Variants in EEIG2 observed in about 807,000 individuals in gnomAD.
The protein encoded by EEIG2 is EEIG family member 2, also known as family with sequence similarity 102 member B.
the EEIG2 span, among the ~76,000 whole-genome samples, chr1:108,585,397 C>T: frequency 1.3e-5 from 2 of 152,116 alleles, no homozygotes; most frequent in Non-Finnish European, 2.9e-5. Context: ...CTAACCTACC[C>T]TGCTCCCTCT....
At chr1:108,579,520 A>G in the EEIG2 span, among the ~76,000 whole-genome samples, 1 of 147,466 alleles carries the variant, frequency 6.8e-6, no homozygotes, top group African/African-American at 2.5e-5. Context: ...TGTCAGCATT[A>G]GACAGATCAA....
the EEIG2 span, among the ~76,000 whole-genome samples, chr1:108,590,828 A>G: frequency 2.0e-5 from 3 of 152,244 alleles, no homozygotes; most frequent in Non-Finnish European, 4.4e-5. Flanking sequence ...GGGTATACCT[A>G]TGCAAGTTAT....
At chr1:108,601,439 T>TAAATACTTAA in the EEIG2 span, among the ~76,000 whole-genome samples, 4 of 151,902 alleles carry the variant, frequency 2.6e-5, no homozygotes, top group African/African-American at 9.6e-5. Context: ...CAGAATACCA[T>TAAATACTTAA]TGCCATGGTA....
At chr1:108,601,945 G>C in the EEIG2 span, among the ~76,000 whole-genome samples, 4 of 152,162 alleles carry the variant, frequency 2.6e-5, no homozygotes, top group Admixed American at 2.6e-4. Flanking sequence ...TGCCCCCAGG[G>C]ACTTTACTTT....
chr1:108,586,037 G>A, the EEIG2 span, among the ~76,000 whole-genome samples: 3 of 151,942 alleles, frequency 2.0e-5, no homozygotes, highest in South Asian at 4.1e-4. Flanking sequence ...AAATACCAAC[G>A]GAGGAATACT....
chr1:108,607,348 G>C, the EEIG2 span, among the ~76,000 whole-genome samples: 1 of 152,156 alleles, frequency 6.6e-6, no homozygotes, highest in Non-Finnish European at 1.5e-5. Context: ...ATGGCCCTCG[G>C]AGGGTTTTCC....
chr1:108,589,783 CTTTTTTTTT>C, the EEIG2 span, among the ~76,000 whole-genome samples: 1 of 85,160 alleles, frequency 1.2e-5, no homozygotes, highest in Non-Finnish European at 2.1e-5. Flanking sequence ...GTCTTTTGTC[CTTTTTTTTT>C]TTTTTTTTTT....
At chr1:108,585,655 A>G in the EEIG2 span, among the ~76,000 whole-genome samples, 1 of 152,234 alleles carries the variant, frequency 6.6e-6, no homozygotes, top group East Asian at 1.9e-4. Flanking sequence ...CTTCCTTCAA[A>G]GTAGAGCTAT....
chr1:108,624,446 A>AAT, the EEIG2 span, among the ~76,000 whole-genome samples: 3 of 149,586 alleles, frequency 2.0e-5, no homozygotes, highest in Non-Finnish European at 3.0e-5. Context: ...AAAAAAAAAA[A>AAT]AAACCCTTTT....
the EEIG2 span, among the ~76,000 whole-genome samples, chr1:108,606,787 A>C: frequency 6.6e-6 from 1 of 152,140 alleles, no homozygotes; most frequent in African/African-American, 2.4e-5. Flanking sequence ...CTGAACTGAG[A>C]GATTGTACAC....
chr1:108,560,306 C>T, the EEIG2 span: 2 of 769,130 alleles, frequency 2.6e-6, no homozygotes, highest in Admixed American at 6.4e-5. Flanking sequence ...GCGGCGCCCC[C>T]CGGCCGCGCC....
chr1:108,613,942 C>T, the EEIG2 span, among the ~76,000 whole-genome samples: 2 of 152,194 alleles, frequency 1.3e-5, no homozygotes, highest in South Asian at 4.2e-4. Context: ...CATGGTCACA[C>T]TCTAGAGTCT....
At chr1:108,581,821 T>C in the EEIG2 span, among the ~76,000 whole-genome samples, 1 of 152,288 alleles carries the variant, frequency 6.6e-6, no homozygotes, top group South Asian at 2.1e-4. Context: ...TTTAGAATAG[T>C]TCATAAACCA....
At chr1:108,567,736 G>A in the EEIG2 span, among the ~76,000 whole-genome samples, 1 of 152,152 alleles carries the variant, frequency 6.6e-6, no homozygotes, top group Non-Finnish European at 1.5e-5. Flanking sequence ...ATGGGCTCAT[G>A]CCTGTAATCC....
the EEIG2 span, among the ~76,000 whole-genome samples, chr1:108,591,578 C>A: frequency 6.6e-6 from 1 of 152,170 alleles, no homozygotes; most frequent in East Asian, 1.9e-4. Flanking sequence ...AGAAACAAGG[C>A]AGAGAGAACG....
chr1:108,592,181 GT>G, the EEIG2 span, among the ~76,000 whole-genome samples: 2 of 152,230 alleles, frequency 1.3e-5, no homozygotes, highest in Non-Finnish European at 2.9e-5. Context: ...AATTGTGGTG[GT>G]GCTAGACACA....
At chr1:108,606,017 TTTAGA>T in the EEIG2 span, among the ~76,000 whole-genome samples, 1 of 152,228 alleles carries the variant, frequency 6.6e-6, no homozygotes, top group African/African-American at 2.4e-5. Context: ...ATTTGTCTCA[TTTAGA>T]TTAAAGTTAA....
the EEIG2 span, among the ~76,000 whole-genome samples, chr1:108,587,278 CAT>C: frequency 6.6e-6 from 1 of 152,134 alleles, no homozygotes; most frequent in African/African-American, 2.4e-5. Context: ...GCAGTTTTAG[CAT>C]CACAGAGAAA....
the EEIG2 span, among the ~76,000 whole-genome samples, chr1:108,607,064 A>G: frequency 6.6e-6 from 1 of 152,202 alleles, no homozygotes; most frequent in Non-Finnish European, 1.5e-5. Flanking sequence ...ACCTTCCTCA[A>G]CTAGAGATTT....
Sources: gnomAD v4.1 joint callset for allele counts (sites outside exome capture counted in the v4.1 genomes callset) on GRCh38, gnomAD v4.1.1 for gene constraint, MANE v1.5 for transcripts, NCBI Gene and HGNC (gene_info 2026-07-23, HGNC 2026-07-21) for gene names.